Variants in PCDH9 observed in about 807,000 individuals in gnomAD.
The protein encoded by PCDH9 is protocadherin 9.
PCDH9 carries 24 observed loss-of-function variants against 70.6 expected under a neutral mutation model. The ratio of observed to expected loss-of-function variants is 0.34; its 90% CI spans 0.25 to 0.48. PCDH9 has a LOEUF of 0.48. Ranked by LOEUF, PCDH9 falls within the 20% of genes least tolerant of loss-of-function variation. PCDH9 has a pLI of 0.99. For synonymous variants in PCDH9, 562 were observed against 558.5 expected (o/e 1.01, Z -0.09); for missense variants, 1,281 against 1,503.6 (o/e 0.85, Z 2.45).
intron 3 of PCDH9, among the ~76,000 whole-genome samples, chr13:66,683,003 A>G (rs1208456886): frequency 1.3e-5 from 2 of 152,150 alleles, no homozygotes; most frequent in African/African-American, 4.8e-5. Context: ...CTTAGAAACA[A>G]ATGGCAGAGG....
intron 3 of PCDH9, among the ~76,000 whole-genome samples, chr13:66,669,048 C>T (rs2078135597): frequency 6.6e-6 from 1 of 151,972 alleles, no homozygotes; most frequent in African/African-American, 2.4e-5. Flanking sequence ...TTTGACTTGA[C>T]CTCATTGAAT....
chr13:66,383,473 T>G (rs1956880396), intron 4 of PCDH9, among the ~76,000 whole-genome samples: 1 of 152,216 alleles, frequency 6.6e-6, no homozygotes, highest in South Asian at 2.1e-4. Context: ...GCTAATTGGT[T>G]GTAATTGTTT....
At chr13:67,134,081 C>G (rs1217598609) in intron 2 of PCDH9, among the ~76,000 whole-genome samples, 1 of 152,042 alleles carries the variant, frequency 6.6e-6, no homozygotes, top group African/African-American at 2.4e-5. Context: ...AATTTAACTT[C>G]TCATAATGTG....
At chr13:66,800,759 C>T (rs896843817) in intron 3 of PCDH9, among the ~76,000 whole-genome samples, 2 of 152,040 alleles carry the variant, frequency 1.3e-5, no homozygotes, top group Non-Finnish European at 2.9e-5. Context: ...TTTTATATCA[C>T]AATATAAGTC....
chr13:67,220,831 C>T (rs1431529947), intron 2 of PCDH9: 3 of 151,946 alleles, frequency 2.0e-5, no homozygotes, highest in Non-Finnish European at 4.4e-5. Context: ...ATGTTATTAG[C>T]AATGGAAGGC....
intron 3 of PCDH9, among the ~76,000 whole-genome samples, chr13:66,836,765 C>G (rs2081028445): frequency 6.6e-6 from 1 of 152,114 alleles, no homozygotes; most frequent in Non-Finnish European, 1.5e-5. Context: ...TTCTGACTTT[C>G]CGTATGTTAC....
chr13:67,182,399 T>C (rs180689837), intron 2 of PCDH9, among the ~76,000 whole-genome samples: 1 of 152,300 alleles, frequency 6.6e-6, no homozygotes, highest in Non-Finnish European at 1.5e-5. Context: ...GTAACACATA[T>C]GCAGTACATA....
chr13:67,179,615 T>C (rs1594620236), intron 2 of PCDH9, among the ~76,000 whole-genome samples: 3 of 152,144 alleles, frequency 2.0e-5, no homozygotes, highest in Non-Finnish European at 2.9e-5. Context: ...TTACTGGCAT[T>C]AAATCTAGTT....
intron 2 of PCDH9, among the ~76,000 whole-genome samples, chr13:67,096,393 T>C (rs1224976148): frequency 6.6e-6 from 1 of 152,212 alleles, no homozygotes. Flanking sequence ...AACTATTATT[T>C]TTATTTCAAT....
chr13:67,186,067 A>G (rs939649790), intron 2 of PCDH9, among the ~76,000 whole-genome samples: 1 of 152,182 alleles, frequency 6.6e-6, no homozygotes, highest in African/African-American at 2.4e-5. Context: ...AAGATTGTTC[A>G]AAAGTGAAAA....
At chr13:66,518,934 A>T (rs1959867489) in intron 4 of PCDH9, among the ~76,000 whole-genome samples, 1 of 152,196 alleles carries the variant, frequency 6.6e-6, no homozygotes, top group African/African-American at 2.4e-5. Context: ...ATAGTACAAG[A>T]TATCCAAACT....
chr13:66,350,149 AG>A (rs1956271340), intron 4 of PCDH9, among the ~76,000 whole-genome samples: 1 of 152,128 alleles, frequency 6.6e-6, no homozygotes, highest in Non-Finnish European at 1.5e-5. Context: ...TCATATTTCA[AG>A]TCAAAAATAA....
chr13:67,116,916 G>A (rs1943796903), intron 2 of PCDH9, among the ~76,000 whole-genome samples: 1 of 151,936 alleles, frequency 6.6e-6, no homozygotes. Context: ...TGTCTCTCAG[G>A]GAATTTCTAT....
At chr13:66,487,925 G>A (rs545938885) in intron 4 of PCDH9, among the ~76,000 whole-genome samples, 6 of 152,252 alleles carry the variant, frequency 3.9e-5, no homozygotes, top group African/African-American at 1.4e-4. Flanking sequence ...CTCACTCTGG[G>A]AAGATCTTGG....
chr13:67,129,730 T>C (rs1358001139), intron 2 of PCDH9, among the ~76,000 whole-genome samples: 1 of 151,998 alleles, frequency 6.6e-6, no homozygotes, highest in Admixed American at 6.6e-5. Flanking sequence ...CAAAGAAGTT[T>C]GTTTTTCTAT....
intron 3 of PCDH9, among the ~76,000 whole-genome samples, chr13:66,826,417 T>G (rs1263801808): frequency 6.6e-6 from 1 of 152,200 alleles, no homozygotes; most frequent in Non-Finnish European, 1.5e-5. Flanking sequence ...AGAATGTAGG[T>G]TTTTGAGGTC....
chr13:67,033,259 G>A lies in PCDH9; in HGVS notation c.3037-129654C>T, dbSNP rs260148. On this transcript the variant is annotated intron_variant, in intron 2 of 4. Transcript: ENST00000377865. ...ATGTTTTTCATAATTAGTGCTCTGG[G>A]TCACTGCAGAGAAAGTCAATGTTGA... Among the ~76,000 whole-genome samples, 464 of 151,906 alleles carry A rather than the reference G, an allele frequency of 3.1e-3. 3 individuals carry two copies. The highest frequency in any genetic ancestry group is 0.01 in the African/African-American group (423 of 41,414).
chr13:66,846,918 C>G (rs894494115), intron 3 of PCDH9, among the ~76,000 whole-genome samples: 2 of 150,286 alleles, frequency 1.3e-5, no homozygotes, highest in Non-Finnish European at 3.0e-5. Context: ...CAAACACACA[C>G]AGAGTATATC....
chr13:66,547,579 C>T, intron 4 of PCDH9, among the ~76,000 whole-genome samples: 1 of 152,024 alleles, frequency 6.6e-6, no homozygotes, highest in East Asian at 1.9e-4. Context: ...AGAATATAGT[C>T]TTTCTTGTTA....
Sources: gnomAD v4.1 joint callset for allele counts (sites outside exome capture counted in the v4.1 genomes callset) on GRCh38, gnomAD v4.1.1 for gene constraint, MANE v1.5 for transcripts, NCBI Gene and HGNC (gene_info 2026-07-23, HGNC 2026-07-21) for gene names.